ATP10D: variants seen among roughly 807,000 people sequenced by gnomAD.
The protein encoded by ATP10D is phospholipid-transporting ATPase VD.
In ATP10D, 89 loss-of-function variants were observed where a neutral mutation model predicts 144.8. That is an observed-to-expected ratio of 0.61 (90% confidence interval 0.52 to 0.73). ATP10D has a LOEUF of 0.73. Ranked by LOEUF, ATP10D falls within the 30% of genes least tolerant of loss-of-function variation. ATP10D has a pLI of 0.00. For synonymous variants in ATP10D, 571 were observed against 615.1 expected, an observed-to-expected ratio of 0.93 and a Z score of 1.06; for missense variants, 1,603 against 1,714.8, an observed-to-expected ratio of 0.93 and a Z score of 1.15.
At chr4:47,558,544 G>GAGT (rs1406309664) in intron 12 of ATP10D, among the ~76,000 whole-genome samples, 1 of 152,190 alleles carries the variant, frequency 6.6e-6, no homozygotes, top group African/African-American at 2.4e-5. Flanking sequence ...ATGGGTCTTA[G>GAGT]AGTACCTCCT....
Position 47,535,525 on chromosome 4 carries a change from G to A in ATP10D, c.793G>A (p.Glu265Lys), listed in dbSNP as rs776693676. ...FRGFLEHSNKERVGLSKENLL... is the reference protein window; with the variant it reads ...FRGFLEHSNKKRVGLSKENLL... ...TTCTTATAGAGAACATTCCAACAAA[G>A]AACGCGTGGGTCTCAGTAAAGAAAA... The change falls in exon 6 of 23, where the codon GAA (glutamate) becomes AAA (lysine). Residue 265 changes from glutamate to lysine, a missense_variant. By Grantham distance (56) the Glu-to-Lys change is moderately conservative. Coordinates refer to ENST00000273859, the MANE Select transcript of ATP10D (RefSeq NM_020453.4). 4.3e-6 allele frequency: 7 copies of A among 1,611,224 alleles called. No homozygotes were observed. The South Asian group carries it at 7.7e-5, about 18-fold the overall frequency.
At chr4:47,488,612 C>CAAAAAAAAAAAAAAAAAA (rs56859197) in intron 1 of ATP10D, among the ~76,000 whole-genome samples, 5 of 91,318 alleles carry the variant, frequency 5.5e-5, no homozygotes, top group Non-Finnish European at 1.1e-4. Context: ...ATATAATAAG[C>CAAAAAAAAAAAAAAAAAA]AAAAAAAAAA....
At chr4:47,519,771 A>G (rs886972543) in intron 3 of ATP10D, among the ~76,000 whole-genome samples, 3 of 152,118 alleles carry the variant, frequency 2.0e-5, no homozygotes, top group Non-Finnish European at 2.9e-5. Flanking sequence ...CCCCCATAGT[A>G]GCCTGTAGAC....
At chr4:47,582,110 T>C (rs926383045) in intron 21 of ATP10D, 46 bp downstream of exon 21, 15 of 1,455,474 alleles carry the variant, frequency 1.0e-5, no homozygotes, top group Non-Finnish European at 1.3e-5. Flanking sequence ...TCTTTTATGC[T>C]TGGGGATATG....
chr4:47,565,331 AAT>A (rs1388342285), intron 15 of ATP10D, among the ~76,000 whole-genome samples: 1 of 152,184 alleles, frequency 6.6e-6, no homozygotes, highest in African/African-American at 2.4e-5. Context: ...AAAAGGGAAA[AAT>A]AGAGTGGGTT....
intron 9 of ATP10D, among the ~76,000 whole-genome samples, chr4:47,538,103 C>G (rs745624367): frequency 2.6e-5 from 4 of 152,118 alleles, no homozygotes; most frequent in Non-Finnish European, 4.4e-5. Flanking sequence ...TGAAGTTACA[C>G]TTTTTAATCT....
intron 17 of ATP10D, among the ~76,000 whole-genome samples, chr4:47,572,491 T>A (rs1475619434): frequency 6.6e-6 from 1 of 152,110 alleles, no homozygotes; most frequent in African/African-American, 2.4e-5. Flanking sequence ...ATTTTAGTCC[T>A]GCAATGGCTG....
intron 22 of ATP10D, among the ~76,000 whole-genome samples, chr4:47,589,896 A>C (rs1720952060): frequency 6.6e-6 from 1 of 152,132 alleles, no homozygotes; most frequent in South Asian, 2.1e-4. Flanking sequence ...TGCTTTTATA[A>C]TATGAAAACA....
At chr4:47,585,363 T>G (rs962642618) in intron 21 of ATP10D, among the ~76,000 whole-genome samples, 3 of 152,150 alleles carry the variant, frequency 2.0e-5, no homozygotes, top group Non-Finnish European at 4.4e-5. Context: ...TCTAAAATTT[T>G]TGTGGGTACA....
chr4:47,557,952 C>T lies in ATP10D; in HGVS notation c.2113C>T (p.Leu705=), dbSNP rs1320461008. ...TEKQHGDAGL[L]NGKAESLPGQ... The stretch of plus-strand genomic sequence containing the variant: ...GAAACAACACGGTGATGCAGGCCTC[C>T]TGAATGGCAAGGCAGAGTCCCTCCC... The change falls in exon 12 of 23, where the codon CTG becomes TTG. Residue 705 remains leucine (L), a synonymous_variant. Transcript: ENST00000273859. The T allele has an allele frequency of 1.9e-6, 3 of 1,614,072 alleles. No individual in the cohort carries two copies. In the Admixed American group the frequency reaches 5.0e-5, roughly 27 times the overall value.
At chr4:47,588,410 A>G (rs1181617945) in intron 22 of ATP10D, among the ~76,000 whole-genome samples, 1 of 152,198 alleles carries the variant, frequency 6.6e-6, no homozygotes, top group Non-Finnish European at 1.5e-5. Context: ...AACAGGCCAA[A>G]TTTGGCCTAC....
At chr4:47,491,460 AT>A in intron 1 of ATP10D, 1 of 694,818 alleles carries the variant, frequency 1.4e-6, no homozygotes, top group African/African-American at 1.7e-5. Flanking sequence ...TGTGTTTGTC[AT>A]TTTGGCGAAT....
In ATP10D at chr4:47,587,205, A is replaced by G. The variant is rs1416067564; in HGVS notation, c.3940A>G (p.Arg1314Gly). The change falls in exon 22 of 23, where the codon AGG (arginine) becomes GGG (glycine). Residue 1314 changes from arginine (R) to glycine (G), a missense_variant and splice_region_variant. Arg to Gly is a moderately radical substitution (Grantham distance 125, BLOSUM62 -2). Coordinates refer to ENST00000273859, the MANE Select transcript of ATP10D (RefSeq NM_020453.4). ...CACGACGTCCATTGCTCTTCTGCCCAGGTATGGTATTTATTTTATCATTGA... is the reference window on the plus strand; with the variant it reads ...CACGACGTCCATTGCTCTTCTGCCCGGGTATGGTATTTATTTTATCATTGA... The part of the protein sequence containing the change: ...ILTTSIALLP[R>G]FVYRVLQGSL... The G allele has an allele frequency of 6.2e-7, 1 of 1,607,704 alleles. No individual in the cohort carries two copies. Among genetic ancestry groups the G allele is most frequent in the South Asian group, 1.1e-5 (1 of 89,976 alleles).
At chr4:47,524,445 C>T (rs1195249290) in intron 4 of ATP10D, among the ~76,000 whole-genome samples, 1 of 152,100 alleles carries the variant, frequency 6.6e-6, no homozygotes, top group African/African-American at 2.4e-5. Context: ...AGTCTGGTAC[C>T]AAAGACATTG....
intron 15 of ATP10D, among the ~76,000 whole-genome samples, chr4:47,567,013 G>T (rs1054537129): frequency 6.6e-6 from 1 of 150,384 alleles, no homozygotes; most frequent in East Asian, 2.0e-4. Flanking sequence ...GCAGAAAGAT[G>T]CAAAAAATAT....
At chr4:47,503,692 T>C (rs1715843373) in intron 1 of ATP10D, among the ~76,000 whole-genome samples, 1 of 151,878 alleles carries the variant, frequency 6.6e-6, no homozygotes, top group Non-Finnish European at 1.5e-5. Flanking sequence ...AGCCCAGAAG[T>C]TTGAGACCAA....
intron 4 of ATP10D, among the ~76,000 whole-genome samples, chr4:47,524,115 A>C (rs1398703101): frequency 6.6e-6 from 1 of 152,022 alleles, no homozygotes; most frequent in Non-Finnish European, 1.5e-5. Flanking sequence ...TTTAGTAGAG[A>C]CACGGTTTGA....
intron 5 of ATP10D, among the ~76,000 whole-genome samples, chr4:47,532,506 C>G (rs1304345257): frequency 1.3e-5 from 2 of 152,152 alleles, no homozygotes; most frequent in Non-Finnish European, 2.9e-5. Context: ...TATTCATGTC[C>G]ATCCTGAGAG....
intron 22 of ATP10D, among the ~76,000 whole-genome samples, chr4:47,587,706 C>T (rs1343837269): frequency 6.6e-6 from 1 of 152,138 alleles, no homozygotes; most frequent in African/African-American, 2.4e-5. Flanking sequence ...GGCAAAGAGG[C>T]AAAAGGGGAT....
Sources: allele counts gnomAD v4.1 joint callset (sites outside exome capture counted in the v4.1 genomes callset), GRCh38; gene constraint gnomAD v4.1.1; transcripts MANE v1.5; gene names NCBI Gene and HGNC (gene_info 2026-07-23, HGNC 2026-07-21).